Variants in ZBTB38 observed in about 807,000 individuals in gnomAD.
ZBTB38 encodes the protein zinc finger and BTB domain containing 38.
Under a neutral mutation model 76.8 loss-of-function variants are expected in ZBTB38, and 20 were observed. That is an observed-to-expected ratio of 0.26 (90% CI 0.18 to 0.38). The LOEUF (loss-of-function observed/expected upper bound fraction) is 0.38. ZBTB38 is among the 10% of genes least tolerant of loss of function. The probability of loss-of-function intolerance (pLI) is 1.00; values close to 1 mark genes in which losing one functional copy is unlikely to be tolerated. For synonymous variants in ZBTB38, 504 were observed against 544.2 expected, an observed-to-expected ratio of 0.93 and a Z score of 1.03; for missense variants, 1,082 against 1,482.3, an observed-to-expected ratio of 0.73 and a Z score of 4.43.
rs147074865 is a variant in ZBTB38 at position 141,334,310 on chromosome 3, C to G, written c.-739+9854C>G. Among the ~76,000 whole-genome samples, 797 of 152,172 alleles carry G rather than the reference C, an allele frequency of 5.2e-3. 7 individuals carry two copies. Among genetic ancestry groups the G allele is most frequent in the African/African-American group, 0.018 (743 of 41,506 alleles). ...GCAGGTTCTCTCTGAGGCATCTTCT[C>G]ATGGGAATGTGAGGGGGGATGCTTT... On this transcript the variant is annotated intron_variant, in intron 1 of 7. Transcript: ENST00000509842.
chr3:141,444,486 A>G lies in ZBTB38; in HGVS notation c.2098A>G (p.Ser700Gly). 6.2e-7 allele frequency: 1 copy of G among 1,614,162 alleles called. No individual in the cohort carries two copies. The highest frequency in any genetic ancestry group is 8.5e-7 in the Non-Finnish European group (1 of 1,180,024). ...DVPVLSLSNSSENAASVISYS... is the reference protein window; with the variant it reads ...DVPVLSLSNSGENAASVISYS... ...ACCTGTTTTATCTTTGAGTAATAGC[A>G]GTGAGAATGCCGCCTCTGTGATCAG... is the stretch of plus-strand genomic sequence containing the variant. The change falls in exon 6 of 6, where the codon AGT becomes GGT. Residue 700 changes from serine (S) to glycine (G), a missense_variant. Ser to Gly is a moderately conservative substitution (Grantham distance 56). Coordinates refer to ENST00000321464, the MANE Select transcript of ZBTB38 (RefSeq NM_001376113.1). The surrounding 1 kb of genome is among the most constrained non-coding windows in gnomAD (Gnocchi z 5.1).
At chr3:141,357,590 C>T (rs928052439) in intron 1 of ZBTB38, among the ~76,000 whole-genome samples, 1 of 152,078 alleles carries the variant, frequency 6.6e-6, no homozygotes. Flanking sequence ...AGTGCAGTGG[C>T]GCAATCTCGG....
chr3:141,380,179 A>G (rs912031279), intron 2 of ZBTB38, among the ~76,000 whole-genome samples: 2 of 152,220 alleles, frequency 1.3e-5, no homozygotes, highest in Non-Finnish European at 2.9e-5. Context: ...CTTCTCCCTC[A>G]AAGAAATGGT....
At chr3:141,358,765 A>G (rs1943735914) in intron 1 of ZBTB38, among the ~76,000 whole-genome samples, 2 of 152,056 alleles carry the variant, frequency 1.3e-5, no homozygotes, top group African/African-American at 2.4e-5. Flanking sequence ...CCACTAATCT[A>G]TTTTCTGCCC....
At chr3:141,372,508 C>T (rs868174942) in intron 2 of ZBTB38, among the ~76,000 whole-genome samples, 12 of 151,788 alleles carry the variant, frequency 7.9e-5, no homozygotes, top group Non-Finnish European at 1.6e-4. Flanking sequence ...CAAAATTAGC[C>T]GAGCAGGGTG....
intron 5 of ZBTB38, among the ~76,000 whole-genome samples, chr3:141,412,109 T>C (rs1956856723): frequency 6.6e-6 from 1 of 152,232 alleles, no homozygotes; most frequent in Non-Finnish European, 1.5e-5. Flanking sequence ...AAATGACCTA[T>C]ATTTTTTTTC....
chr3:141,441,555 CG>C (rs1559962738), intron 5 of ZBTB38, among the ~76,000 whole-genome samples: 1 of 152,162 alleles, frequency 6.6e-6, no homozygotes, highest in Admixed American at 6.5e-5. Context: ...CGCAGAGAGG[CG>C]GGGGTGCCCC....
At chr3:141,346,177 C>T (rs1056648930) in intron 1 of ZBTB38, among the ~76,000 whole-genome samples, 1 of 152,244 alleles carries the variant, frequency 6.6e-6, no homozygotes, top group South Asian at 2.1e-4. Context: ...CCTGGCTGCA[C>T]GTTGAAATCA....
intron 3 of ZBTB38, among the ~76,000 whole-genome samples, chr3:141,386,235 A>G (rs566315523): frequency 6.6e-6 from 1 of 152,328 alleles, no homozygotes; most frequent in South Asian, 2.1e-4. Flanking sequence ...GATAGCTTTA[A>G]TCGTTCATGA....
intron 1 of ZBTB38, among the ~76,000 whole-genome samples, chr3:141,338,655 T>G (rs1328590914): frequency 6.6e-6 from 1 of 151,740 alleles, no homozygotes; most frequent in Non-Finnish European, 1.5e-5. Context: ...CAGTGGAGGG[T>G]AGGAGAAGGG....
At chr3:141,439,557 T>C (rs1384534476) in intron 5 of ZBTB38, among the ~76,000 whole-genome samples, 2 of 152,208 alleles carry the variant, frequency 1.3e-5, no homozygotes, top group African/African-American at 2.4e-5. Flanking sequence ...ACAGAAGTGG[T>C]TGGGGCTTTG....
intron 5 of ZBTB38, among the ~76,000 whole-genome samples, chr3:141,414,954 C>G (rs1366810954): frequency 6.6e-6 from 1 of 152,046 alleles, no homozygotes; most frequent in Admixed American, 6.5e-5. Flanking sequence ...TCTTTTAACC[C>G]TGCCCTTTCT....
At chr3:141,426,491 C>T (rs549107892) in intron 5 of ZBTB38, among the ~76,000 whole-genome samples, 13 of 152,266 alleles carry the variant, frequency 8.5e-5, no homozygotes, top group African/African-American at 2.6e-4. Flanking sequence ...GACCCAGCAC[C>T]GTCTCCAGAT....
intron 1 of ZBTB38, among the ~76,000 whole-genome samples, chr3:141,335,835 C>G (rs1559911484): frequency 6.6e-6 from 1 of 152,236 alleles, no homozygotes; most frequent in Non-Finnish European, 1.5e-5. Context: ...ATTATGCCTT[C>G]TCCACTAGAA....
intron 5 of ZBTB38, among the ~76,000 whole-genome samples, chr3:141,424,640 G>C (rs1489865866): frequency 6.8e-6 from 1 of 147,470 alleles, no homozygotes; most frequent in Non-Finnish European, 1.5e-5. Flanking sequence ...GCCTGTATGT[G>C]TGTGTGTGCG....
intron 2 of ZBTB38, among the ~76,000 whole-genome samples, chr3:141,375,466 G>C (rs1945235822): frequency 6.6e-6 from 1 of 152,226 alleles, no homozygotes; most frequent in Non-Finnish European, 1.5e-5. Flanking sequence ...ACACTCTTGG[G>C]CAGCCTAGAC....
At chr3:141,364,537 T>C (rs141020700), upstream of ZBTB38, among the ~76,000 whole-genome samples, 4,515 of 151,094 alleles carry the variant, frequency 0.03, 81 homozygotes, top group African/African-American at 0.045. Context: ...ATAAGCCAGG[T>C]GTGGTGGCAC....
chr3:141,428,944 ATCC>A (rs2076906130), intron 5 of ZBTB38, among the ~76,000 whole-genome samples: 1 of 152,228 alleles, frequency 6.6e-6, no homozygotes. Context: ...TATGGTGACC[ATCC>A]TCATGTAATG....
At chr3:141,400,782 C>T (rs1363521847) in intron 4 of ZBTB38, among the ~76,000 whole-genome samples, 9 of 152,220 alleles carry the variant, frequency 5.9e-5, no homozygotes, top group African/African-American at 2.2e-4. Flanking sequence ...ACAAGGTAGG[C>T]ACTAATATTA....
Sources: allele counts gnomAD v4.1 joint callset (sites outside exome capture counted in the v4.1 genomes callset), GRCh38; gene constraint gnomAD v4.1.1; non-coding constraint Gnocchi (gnomAD v3.1); transcripts MANE v1.5; gene names NCBI Gene and HGNC (gene_info 2026-07-23, HGNC 2026-07-21).